RRM2: variants seen among roughly 807,000 people sequenced by gnomAD.
RRM2 encodes ribonucleotide reductase regulatory subunit M2.
RRM2 carries 6 observed loss-of-function variants against 45.9 expected under a neutral mutation model. The observed-to-expected ratio is 0.13, with a 90% CI of 0.07 to 0.26. The LOEUF (loss-of-function observed/expected upper bound fraction) is 0.26. Among genes scored for constraint, RRM2 ranks in the 10% least tolerant of loss-of-function variants. RRM2 has a pLI of 1.00. For missense variants in RRM2, 343 were observed against 489.5 expected, an observed-to-expected ratio of 0.70 and a Z score of 2.82; for synonymous variants, 177 against 173.0, an observed-to-expected ratio of 1.02 and a Z score of -0.18.
chr2:10,192,127 C>T (rs1263498211), intron 3 of RRM2, among the ~76,000 whole-genome samples: 5 of 151,702 alleles, frequency 3.3e-5, no homozygotes, highest in African/African-American at 4.9e-5. Flanking sequence ...CTCCCGGAGC[C>T]GCAGCCACCG....
At chr2:10,156,220 A>G (rs1663421407) in intron 3 of RRM2, 1 of 152,232 alleles carries the variant, frequency 6.6e-6, no homozygotes, top group Non-Finnish European at 1.5e-5. Flanking sequence ...ACTAACACTA[A>G]CGATAGCTGA....
chr2:10,197,716 A>G (rs963036277), intron 3 of RRM2, among the ~76,000 whole-genome samples: 4 of 152,162 alleles, frequency 2.6e-5, no homozygotes, highest in Admixed American at 2.6e-4. Context: ...TTGCAATACT[A>G]AAGACCAACA....
At position 10,126,964 on chromosome 2, in the gene RRM2, C is replaced by A; in HGVS notation, c.659C>A (p.Thr220Asn). The part of the protein sequence containing the change: ...ALRWIGDKEA[T>N]YGERVVAFAA... ...CGCTGGATTGGGGACAAAGAGGCTA[C>A]CTATGGTAAGGAGACCCTTGCCCCT... The change falls in exon 6 of 10, where the codon ACC becomes AAC. Residue 220 changes from threonine to asparagine, a missense_variant. Physicochemically the swap from Thr to Asn is moderately conservative, Grantham distance 65. This residue lies in a region of RRM2 where 212 missense variants were observed against 368.1 expected (regional missense o/e 0.58). Transcript: ENST00000304567. 1 of 1,613,968 alleles carries A rather than the reference C, an allele frequency of 6.2e-7. No individual in the cohort carries two copies.
chr2:10,190,794 G>A (rs887842342), intron 3 of RRM2, among the ~76,000 whole-genome samples: 193 of 150,366 alleles, frequency 1.3e-3, no homozygotes, highest in African/African-American at 4.5e-3. Flanking sequence ...GGTGGTGATG[G>A]TGGGGTTGGT....
chr2:10,189,128 CA>C (rs35162784), intron 3 of RRM2, among the ~76,000 whole-genome samples: 6,356 of 152,312 alleles, frequency 0.042, 466 homozygotes, highest in African/African-American at 0.15. Flanking sequence ...CCTCAAGATT[CA>C]AACACAGGCA....
intron 3 of RRM2, among the ~76,000 whole-genome samples, chr2:10,209,721 G>A (rs900240856): frequency 2.0e-5 from 3 of 152,154 alleles, no homozygotes; most frequent in African/African-American, 4.8e-5. Context: ...TGCCCCACCC[G>A]TCCGTGGAGA....
downstream of RRM2, among the ~76,000 whole-genome samples, chr2:10,134,556 C>CG (rs1197442995): frequency 1.3e-5 from 2 of 152,188 alleles, no homozygotes; most frequent in African/African-American, 4.8e-5. Context: ...CAGTATTGAT[C>CG]CCTAGCCTGG....
intron 3 of RRM2, among the ~76,000 whole-genome samples, chr2:10,157,110 G>A (rs1245800912): frequency 7.4e-6 from 1 of 135,212 alleles, no homozygotes; most frequent in Non-Finnish European, 1.5e-5. Context: ...CTCACTGCAA[G>A]CTCCGCTTCC....
At chr2:10,161,816 GC>G in intron 3 of RRM2, among the ~76,000 whole-genome samples, 1 of 152,196 alleles carries the variant, frequency 6.6e-6, no homozygotes, top group Admixed American at 6.5e-5. Flanking sequence ...ATTCAGAGAG[GC>G]TAAGGGGCAT....
downstream of RRM2, among the ~76,000 whole-genome samples, chr2:10,132,414 A>T (rs141083046): frequency 7.3e-4 from 110 of 151,700 alleles, no homozygotes; most frequent in African/African-American, 2.5e-3. Context: ...TCATGGGGGG[A>T]GATGATGTTT....
intron 3 of RRM2, among the ~76,000 whole-genome samples, chr2:10,156,491 C>T (rs1264860242): frequency 6.6e-6 from 1 of 152,154 alleles, no homozygotes; most frequent in Admixed American, 6.5e-5. Context: ...TGTCTCCAGT[C>T]GTCTGGGGAG....
intron 3 of RRM2, among the ~76,000 whole-genome samples, chr2:10,142,924 A>T (rs1663115380): frequency 6.6e-6 from 1 of 152,204 alleles, no homozygotes; most frequent in Non-Finnish European, 1.5e-5. Flanking sequence ...CCCAGGCTGC[A>T]GTGCAGTGGC....
intron 3 of RRM2, among the ~76,000 whole-genome samples, chr2:10,142,733 G>C (rs190503042): frequency 2.7e-4 from 41 of 152,168 alleles, no homozygotes; most frequent in African/African-American, 8.2e-4. Flanking sequence ...GAATGGTCTC[G>C]GGCAGCACCT....
chr2:10,175,261 C>T (rs1388324750), intron 3 of RRM2, among the ~76,000 whole-genome samples: 2 of 152,240 alleles, frequency 1.3e-5, no homozygotes, highest in African/African-American at 4.8e-5. Flanking sequence ...ACCCCTCATT[C>T]TGATTCTATT....
In RRM2 at chr2:10,123,005, G is replaced by A. The variant is rs753276719; in HGVS notation, c.122G>A (p.Arg41His). 1.3e-6 allele frequency: 2 copies of A among 1,562,548 alleles called. No individual in the cohort carries two copies. The highest frequency in any genetic ancestry group is 1.3e-5 in the African/African-American group (1 of 74,358). Residue 41 changes from arginine (R) to histidine (H), a missense_variant, in exon 2 of 10, where the codon CGC (arginine) becomes CAC (histidine). By Grantham distance (29) the Arg-to-His change is conservative. Around this residue, in one of 2 missense-constraint regions of RRM2, gnomAD observed 131 missense variants for 121.4 expected, o/e 1.08. Transcript: ENST00000304567. Reference protein sequence around the residue: ...ENTPPALSGTRVLASKTARRI... With the variant: ...ENTPPALSGTHVLASKTARRI... ...CAGCCGCCGGCCCTGAGCGGGACCC[G>A]CGTCCTGGCCAGCAAGACCGCGAGG...
chr2:10,148,520 A>T (rs1484810386), intron 3 of RRM2, among the ~76,000 whole-genome samples: 2 of 152,238 alleles, frequency 1.3e-5, no homozygotes, highest in Non-Finnish European at 1.5e-5. Flanking sequence ...AACTTCACAG[A>T]TGTCACTTCT....
chr2:10,141,698 G>A, intron 1 of RRM2: 1 of 1,124,860 alleles, frequency 8.9e-7, no homozygotes, highest in Non-Finnish European at 1.2e-6. Context: ...ACCTCGACCT[G>A]TTCTTGGGAA....
chr2:10,163,245 G>A (rs914992405), intron 3 of RRM2, among the ~76,000 whole-genome samples: 1 of 151,956 alleles, frequency 6.6e-6, no homozygotes, highest in Admixed American at 6.6e-5. Context: ...TGCAGGGAGA[G>A]GGGGAGCGAG....
intron 7 of RRM2, among the ~76,000 whole-genome samples, chr2:10,128,050 A>C (rs778533586): frequency 6.6e-6 from 1 of 152,006 alleles, no homozygotes; most frequent in Non-Finnish European, 1.5e-5. Flanking sequence ...CTATTGTCCC[A>C]GCTACTTGAG....
Sources: allele counts gnomAD v4.1 joint callset (sites outside exome capture counted in the v4.1 genomes callset), GRCh38; gene constraint gnomAD v4.1.1; regional missense constraint gnomAD v4.1.1; transcripts MANE v1.5; gene names NCBI Gene and HGNC (gene_info 2026-07-23, HGNC 2026-07-21).